Variants in GABRG3 observed in about 807,000 individuals in gnomAD.
The protein encoded by GABRG3 is gamma-aminobutyric acid receptor subunit gamma-3.
In GABRG3, 25 loss-of-function variants were observed where a neutral mutation model predicts 48.8. The observed-to-expected ratio is 0.51, with a 90% CI of 0.37 to 0.72. GABRG3 has a LOEUF of 0.72. Ranked by LOEUF, GABRG3 falls within the 30% of genes least tolerant of loss-of-function variation. GABRG3 has a pLI of 0.00. For missense variants in GABRG3, 394 were observed against 577.9 expected (o/e 0.68, Z 3.26); for synonymous variants, 227 against 217.6 (o/e 1.04, Z -0.38).
intron 5 of GABRG3, among the ~76,000 whole-genome samples, chr15:27,395,619 A>C: frequency 6.6e-6 from 1 of 152,212 alleles, no homozygotes; most frequent in East Asian, 1.9e-4. Flanking sequence ...ACAAGAGTTC[A>C]AGAGAAGAGA....
chr15:27,452,535 A>G lies in GABRG3; in HGVS notation c.575-28115A>G, dbSNP rs550399404. 1.7e-4 allele frequency among the ~76,000 whole-genome samples: 26 copies of G among 152,312 alleles called. No individual in the cohort carries two copies. The East Asian group carries it at 3.7e-3, about 21-fold the overall frequency. On this transcript the variant is annotated intron_variant, in intron 5 of 9. Transcript: ENST00000615808. ...AAAACAGTCAATTAACACACATTTC[A>G]TTTGTTATATGCATTATATACTGGA...
chr15:27,291,312 A>G (rs1891787159), intron 3 of GABRG3, among the ~76,000 whole-genome samples: 1 of 152,242 alleles, frequency 6.6e-6, no homozygotes, highest in South Asian at 2.1e-4. Flanking sequence ...CTTTCTATGT[A>G]ACTTTAGATA....
intron 3 of GABRG3, among the ~76,000 whole-genome samples, chr15:27,049,792 G>A (rs1050360050): frequency 6.6e-6 from 1 of 152,216 alleles, no homozygotes; most frequent in Non-Finnish European, 1.5e-5. Context: ...GCTAGACCAG[G>A]AGAAGAGCAG....
intron 3 of GABRG3, among the ~76,000 whole-genome samples, chr15:27,150,884 CTG>C (rs1898299166): frequency 1.3e-5 from 2 of 152,198 alleles, no homozygotes; most frequent in Non-Finnish European, 2.9e-5. Context: ...GCTGAATTGA[CTG>C]TGAGTTTTCA....
intron 5 of GABRG3, among the ~76,000 whole-genome samples, chr15:27,351,392 G>T (rs1404978998): frequency 2.9e-5 from 4 of 140,272 alleles, no homozygotes; most frequent in Non-Finnish European, 4.6e-5. Context: ...TGTGTGTATG[G>T]TATATGTGTG....
intron 2 of GABRG3, among the ~76,000 whole-genome samples, chr15:27,007,728 A>G (rs954648389): frequency 3.3e-5 from 5 of 151,910 alleles, no homozygotes; most frequent in Non-Finnish European, 4.4e-5. Flanking sequence ...TGTTTGTTTC[A>G]TGTCCTTTAC....
intron 6 of GABRG3, among the ~76,000 whole-genome samples, chr15:27,515,286 G>T (rs1036048366): frequency 6.6e-6 from 1 of 151,990 alleles, no homozygotes; most frequent in South Asian, 2.1e-4. Flanking sequence ...TAGAGACGGG[G>T]TTTCACCATG....
At chr15:27,334,325 A>G (rs1032069643) in intron 5 of GABRG3, among the ~76,000 whole-genome samples, 6 of 152,164 alleles carry the variant, frequency 3.9e-5, no homozygotes, top group Non-Finnish European at 7.3e-5. Flanking sequence ...CACTTCTGTA[A>G]GCTAATATAG....
At position 27,250,133 on chromosome 15, in the gene GABRG3, C is replaced by A. The variant is rs111501619; in HGVS notation, c.271-76676C>A. ...GCTCTGTCGCCTCTGCTGGACTGGCCAGCCACGTGTGAGTTCAGGAACTGT... is the reference window on the plus strand; with the variant it reads ...GCTCTGTCGCCTCTGCTGGACTGGCAAGCCACGTGTGAGTTCAGGAACTGT... On this transcript the variant is annotated intron_variant, in intron 3 of 9. Transcript: ENST00000615808. Among the ~76,000 whole-genome samples, 1,222 of 152,200 alleles carry A rather than the reference C, an allele frequency of 8.0e-3. 12 individuals carry two copies. The highest frequency in any genetic ancestry group is 0.028 in the African/African-American group (1,175 of 41,522).
At chr15:27,226,811 G>A (rs553525225) in intron 3 of GABRG3, among the ~76,000 whole-genome samples, 1 of 152,286 alleles carries the variant, frequency 6.6e-6, no homozygotes, top group South Asian at 2.1e-4. Context: ...TGTCCCTTTG[G>A]CCATAGCCAG....
chr15:27,440,235 C>T (rs1285582655), intron 5 of GABRG3, among the ~76,000 whole-genome samples: 3 of 152,272 alleles, frequency 2.0e-5, no homozygotes, highest in African/African-American at 7.2e-5. Context: ...GATCTTTCCG[C>T]GTTGTACATG....
At chr15:27,210,168 T>C (rs1352472914) in intron 3 of GABRG3, among the ~76,000 whole-genome samples, 1 of 152,122 alleles carries the variant, frequency 6.6e-6, no homozygotes, top group African/African-American at 2.4e-5. Flanking sequence ...TGAAGGGACC[T>C]CCAAGGGTCG....
At chr15:27,239,324 C>A (rs1254956612) in intron 3 of GABRG3, among the ~76,000 whole-genome samples, 1 of 152,190 alleles carries the variant, frequency 6.6e-6, no homozygotes, top group Non-Finnish European at 1.5e-5. Context: ...TGAGAACCCT[C>A]TCTTCGTGGC....
intron 6 of GABRG3, among the ~76,000 whole-genome samples, chr15:27,500,989 G>A (rs1243164908): frequency 8.0e-6 from 1 of 124,500 alleles, no homozygotes; most frequent in Non-Finnish European, 1.6e-5. Context: ...GTCTCACTCT[G>A]TCCCCAGGCT....
rs973850297 is a variant in GABRG3, at chr15:27,541,629, C to T, written c.*8748C>T. On this transcript the variant is annotated 3_prime_UTR_variant, in exon 10 of 10. Transcript: ENST00000615808. ...GCGCCCTGCCCCAGTGCGTGCGCCT[C>T]CTGCCCCAGCAGGGACCCGCCCTCA... 6.6e-6 allele frequency: 1 copy of T among 152,338 alleles called. No individual in the cohort carries two copies. Among genetic ancestry groups the T allele is most frequent in the African/African-American group, 2.4e-5 (1 of 41,466 alleles). The allele number at this position is 152,338 out of a possible 1,614,324, so 9.4% of individuals were successfully genotyped here. A position where few individuals can be genotyped will look rare whatever the true frequency, so the allele number is the denominator to read the frequency against.
At chr15:27,062,223 G>C (rs1031254422) in intron 3 of GABRG3, among the ~76,000 whole-genome samples, 3 of 152,016 alleles carry the variant, frequency 2.0e-5, no homozygotes, top group African/African-American at 7.2e-5. Flanking sequence ...GGAGTCACAG[G>C]AGAGGGAGCT....
intron 2 of GABRG3, among the ~76,000 whole-genome samples, chr15:26,982,224 T>C (rs2140639158): frequency 6.6e-6 from 1 of 152,312 alleles, no homozygotes; most frequent in African/African-American, 2.4e-5. Flanking sequence ...TGTTACTAAT[T>C]TCCTCCTTGA....
intron 3 of GABRG3, among the ~76,000 whole-genome samples, chr15:27,263,020 G>A (rs575107160): frequency 6.6e-6 from 1 of 152,258 alleles, no homozygotes; most frequent in Admixed American, 6.5e-5. Context: ...TTGTAGCCCA[G>A]GATAAATATT....
chr15:27,143,214 G>A lies in GABRG3; in HGVS notation c.270+116393G>A, dbSNP rs1898136916. Among the ~76,000 whole-genome samples the A allele has an allele frequency of 4.6e-5, 7 of 152,154 alleles. No homozygotes were observed. The South Asian group carries it at 1.2e-3, about 27-fold the overall frequency. ...CCACTTCAGCCTCCCAAGTAGCTGG[G>A]ACTACAGGCATGTGCCACCACGCCT... is the stretch of plus-strand genomic sequence containing the variant. On this transcript the variant is annotated intron_variant, in intron 3 of 9. Coordinates refer to ENST00000615808, the MANE Select transcript of GABRG3 (RefSeq NM_033223.5).
Sources: allele counts gnomAD v4.1 joint callset (sites outside exome capture counted in the v4.1 genomes callset), GRCh38; gene constraint gnomAD v4.1.1; transcripts MANE v1.5; gene names NCBI Gene and HGNC (gene_info 2026-07-23, HGNC 2026-07-21).